PPIL4: variants seen among roughly 807,000 people sequenced by gnomAD.
PPIL4 encodes peptidyl-prolyl cis-trans isomerase-like 4.
A neutral mutation model predicts 69.1 loss-of-function variants in PPIL4; 50 were observed. That is an observed-to-expected ratio of 0.72 (90% CI 0.58 to 0.92). The LOEUF (loss-of-function observed/expected upper bound fraction) is 0.92. Ranked by LOEUF, PPIL4 falls within the 40% of genes least tolerant of loss-of-function variation. PPIL4 has a pLI of 0.00. For synonymous variants in PPIL4, 193 were observed against 191.6 expected (o/e 1.01, Z -0.06); for missense variants, 480 against 587.9 (o/e 0.82, Z 1.90).
At chr6:149,534,315 G>A (rs1414335120) in intron 6 of PPIL4, among the ~76,000 whole-genome samples, 1 of 152,208 alleles carries the variant, frequency 6.6e-6, no homozygotes. Context: ...GGAACAGTCT[G>A]CGCTGTTTCA....
intron 1 of PPIL4, among the ~76,000 whole-genome samples, chr6:149,541,860 A>C (rs1777368486): frequency 6.6e-6 from 1 of 151,972 alleles, no homozygotes; most frequent in African/African-American, 2.4e-5. Flanking sequence ...AAATACCAAA[A>C]AAAATTAGCC....
intron 12 of PPIL4, among the ~76,000 whole-genome samples, chr6:149,508,058 C>G (rs1160986201): frequency 1.3e-5 from 2 of 152,150 alleles, no homozygotes; most frequent in East Asian, 3.8e-4. Flanking sequence ...AGGAGATCCT[C>G]CAAGTACATG....
chr6:149,529,315 G>C (rs539314999), intron 7 of PPIL4, among the ~76,000 whole-genome samples: 1 of 150,464 alleles, frequency 6.6e-6, no homozygotes, highest in African/African-American at 2.4e-5. Flanking sequence ...AAAATTAGCC[G>C]GGCATGGTGG....
intron 11 of PPIL4, 46 bp from the exon 12 acceptor site, chr6:149,512,348 G>A (rs925403375): frequency 6.9e-7 from 1 of 1,458,526 alleles, no homozygotes; most frequent in Non-Finnish European, 9.4e-7. Flanking sequence ...ATACTGGTAA[G>A]ACATCAAAAC....
rs552292083 is a variant in PPIL4 at position 149,505,540 on chromosome 6, A to T, written c.1392T>A (p.Asp464Glu). Residue 464 changes from aspartate (D) to glutamate (E), a missense_variant, in exon 13 of 13, where the codon GAT becomes GAA. Physicochemically the swap from Asp to Glu is conservative, Grantham distance 45. Transcript: ENST00000253329. ...SNSHKSKYQTDLYERERSKKR... is the reference protein window; with the variant it reads ...SNSHKSKYQTELYERERSKKR... ...TTTTACTCCTTTCTCTTTCATAAAG[A>T]TCTGTTTGGTATTTTGATTTATGAC... The T allele has an allele frequency of 1.2e-5, 20 of 1,613,702 alleles. No homozygotes were observed. The South Asian group carries it at 2.1e-4, about 17-fold the overall frequency.
intron 7 of PPIL4, among the ~76,000 whole-genome samples, chr6:149,527,954 T>C (rs1254481974): frequency 6.6e-6 from 1 of 152,186 alleles, no homozygotes; most frequent in African/African-American, 2.4e-5. Context: ...GACAACATTA[T>C]GTCCAATAAG....
chr6:149,519,977 C>T (rs1053837512), intron 10 of PPIL4, among the ~76,000 whole-genome samples: 2 of 152,080 alleles, frequency 1.3e-5, no homozygotes, highest in Non-Finnish European at 2.9e-5. Flanking sequence ...TGACATGCTA[C>T]GAGCAATGTA....
At chr6:149,511,446 G>A (rs1278798046) in intron 12 of PPIL4, among the ~76,000 whole-genome samples, 1 of 151,670 alleles carries the variant, frequency 6.6e-6, no homozygotes, top group Non-Finnish European at 1.5e-5. Flanking sequence ...GTGTGTGTGT[G>A]TATTTTTTGT....
Position 149,535,682 on chromosome 6 carries a change from A to G in PPIL4, c.378T>C (p.Phe126=), listed in dbSNP as rs1372629319. 6.2e-7 allele frequency: 1 copy of G among 1,611,836 alleles called. No homozygotes were observed. The highest frequency in any genetic ancestry group is 1.3e-5 in the African/African-American group (1 of 75,002). ...LDYLDGVHTV[F]GEVTEGMDII... The stretch of plus-strand genomic sequence containing the variant: ...TGTCCATGCCTTCTGTCACCTCACC[A>G]AACACCGTATGGACACCATCAAGAT... The change falls in exon 5 of 13, where the codon TTT becomes TTC. Residue 126 remains phenylalanine (F), a synonymous_variant. Coordinates refer to ENST00000253329, the MANE Select transcript of PPIL4 (RefSeq NM_139126.4).
intron 4 of PPIL4, among the ~76,000 whole-genome samples, chr6:149,536,345 A>G (rs1441982439): frequency 6.6e-6 from 1 of 152,254 alleles, no homozygotes; most frequent in Admixed American, 6.5e-5. Context: ...TCTTACTTTA[A>G]ATCAAAAGCT....
chr6:149,537,420 T>C (rs1777294006), intron 4 of PPIL4, among the ~76,000 whole-genome samples: 1 of 152,036 alleles, frequency 6.6e-6, no homozygotes, highest in Admixed American at 6.5e-5. Flanking sequence ...AGAATGATGC[T>C]AAATCGGCCG....
At chr6:149,511,564 C>A (rs1480897847) in intron 12 of PPIL4, among the ~76,000 whole-genome samples, 1 of 152,136 alleles carries the variant, frequency 6.6e-6, no homozygotes, top group Non-Finnish European at 1.5e-5. Context: ...CGTGAGCCAC[C>A]GTACCCAGCC....
At position 149,535,754 on chromosome 6, in the gene PPIL4, C is replaced by A; in HGVS notation, c.322-16G>T. The A allele has an allele frequency of 6.5e-7, 1 of 1,540,364 alleles. No homozygotes were observed. Among genetic ancestry groups the A allele is most frequent in the Non-Finnish European group, 8.9e-7 (1 of 1,126,950 alleles). ...TGATAAGAAACTATAAAGAAGGACA[C>A]ATAATAAATACCATAAAAATAATAC... On this transcript the variant is annotated splice_polypyrimidine_tract_variant and intron_variant, in intron 4 of 12. Coordinates refer to ENST00000253329, the MANE Select transcript of PPIL4 (RefSeq NM_139126.4).
intron 4 of PPIL4, among the ~76,000 whole-genome samples, chr6:149,540,552 TTGCAGTGAGCCGAGGATTG>T (rs1231962048): frequency 6.6e-6 from 1 of 152,056 alleles, no homozygotes; most frequent in East Asian, 1.9e-4. Flanking sequence ...GAGGGAGAGG[TTGCAGTGAGCCGAGGATTG>T]TGCCATCGCA....
Position 149,541,359 on chromosome 6 carries a change from C to T in PPIL4, c.203+8G>A, listed in dbSNP as rs762616999. 1.0e-5 allele frequency: 12 copies of T among 1,203,018 alleles called. 1 individual carries two copies. The South Asian group carries it at 3.0e-4, about 30-fold the overall frequency. 74.5% of individuals were successfully genotyped at this position (1,203,018 alleles called of 1,614,324 possible). On this transcript the variant is annotated splice_region_variant and intron_variant, in intron 3 of 12. Transcript: ENST00000253329. ...TAAATAAATAAATAAATAAATAAAACAACTTACCCAAAGATAGACTCTCCT... is the reference window on the plus strand; with the variant it reads ...TAAATAAATAAATAAATAAATAAAATAACTTACCCAAAGATAGACTCTCCT...
chr6:149,535,551 T>C (rs1482398049), intron 5 of PPIL4, 45 bp downstream of exon 5: 1 of 1,518,672 alleles, frequency 6.6e-7, no homozygotes, highest in South Asian at 1.2e-5. Flanking sequence ...AACATCTCAA[T>C]ATTAAAACAT....
In PPIL4 at chr6:149,530,645, C is replaced by G. The variant is rs569101063; in HGVS notation, c.678+2813G>C. Among the ~76,000 whole-genome samples, 3 of 137,134 alleles carry G rather than the reference C, an allele frequency of 2.2e-5. No individual in the cohort carries two copies. In the South Asian group the frequency reaches 6.9e-4, roughly 31 times the overall value. The allele number at this position is 137,134 out of a possible 152,430, so 90.0% of individuals were successfully genotyped here. On this transcript the variant is annotated intron_variant, in intron 7 of 12. Coordinates refer to ENST00000253329, the MANE Select transcript of PPIL4 (RefSeq NM_139126.4). ...TTGCTCTCCAGCCTGGGTGACAGAGCGAGACTCCATCTCGGAAAAAAAAAA... is the reference window on the plus strand; with the variant it reads ...TTGCTCTCCAGCCTGGGTGACAGAGGGAGACTCCATCTCGGAAAAAAAAAA...
chr6:149,532,797 CAG>C (rs1276454008), intron 7 of PPIL4, among the ~76,000 whole-genome samples: 1 of 152,134 alleles, frequency 6.6e-6, no homozygotes, highest in South Asian at 2.1e-4. Context: ...GCCTGAACAA[CAG>C]AGTGAGACCC....
chr6:149,506,470 C>T (rs1343584119), intron 12 of PPIL4, among the ~76,000 whole-genome samples: 4 of 152,034 alleles, frequency 2.6e-5, no homozygotes, highest in South Asian at 2.1e-4. Flanking sequence ...GAAACTCCAT[C>T]TCGAAAAAAG....
Sources: allele counts gnomAD v4.1 joint callset (sites outside exome capture counted in the v4.1 genomes callset), GRCh38; gene constraint gnomAD v4.1.1; transcripts MANE v1.5; gene names NCBI Gene and HGNC (gene_info 2026-07-23, HGNC 2026-07-21).